The following RARB variants were observed in gnomAD, a reference collection of about 807,000 sequenced individuals.
RARB encodes the protein HBV-activated protein.
Under a neutral mutation model 51.9 loss-of-function variants are expected in RARB, and 17 were observed. The ratio of observed to expected loss-of-function variants is 0.33; its 90% CI spans 0.22 to 0.49. The LOEUF is 0.49. Ranked by LOEUF, RARB falls within the 20% of genes least tolerant of loss-of-function variation. The pLI is 0.99. For missense variants in RARB, 369 were observed against 550.8 expected, an observed-to-expected ratio of 0.67 and a Z score of 3.30; for synonymous variants, 215 against 195.4, an observed-to-expected ratio of 1.10 and a Z score of -0.84.
intron 5 of RARB, among the ~76,000 whole-genome samples, chr3:25,402,758 A>G (rs1354646606): frequency 6.6e-6 from 1 of 152,144 alleles, no homozygotes; most frequent in Non-Finnish European, 1.5e-5. Context: ...AAATCAAAAC[A>G]ATTGAACTCA....
intron 2 of RARB, among the ~76,000 whole-genome samples, chr3:25,042,682 G>A (rs1274371080): frequency 6.6e-6 from 1 of 152,152 alleles, no homozygotes; most frequent in Non-Finnish European, 1.5e-5. Flanking sequence ...CACTTATAAC[G>A]ATGTAATCCA....
intron 3 of RARB, among the ~76,000 whole-genome samples, chr3:25,545,147 T>G (rs7638066): frequency 0.17 from 26,549 of 151,786 alleles, 2,447 homozygotes; most frequent in African/African-American, 0.23. Flanking sequence ...GTTTTACCAT[T>G]TTGGCCAGGC....
At chr3:25,131,936 CA>C (rs1699960039) in intron 3 of RARB, among the ~76,000 whole-genome samples, 5 of 151,788 alleles carry the variant, frequency 3.3e-5, no homozygotes, top group Admixed American at 2.6e-4. Context: ...TAAAAGGGAT[CA>C]GGGGTGCAAA....
intron 5 of RARB, among the ~76,000 whole-genome samples, chr3:25,212,273 G>C (rs1335798041): frequency 6.6e-6 from 1 of 152,112 alleles, no homozygotes; most frequent in African/African-American, 2.4e-5. Flanking sequence ...ATGCTAAATT[G>C]AGCATCAATA....
chr3:24,978,815 G>A (rs1302701131), intron 2 of RARB, among the ~76,000 whole-genome samples: 2 of 151,148 alleles, frequency 1.3e-5, no homozygotes, highest in Admixed American at 6.6e-5. Flanking sequence ...GTTTGCTCTT[G>A]CTTCTCTACT....
At position 24,989,774 on chromosome 3, in the gene RARB, C is replaced by CTTTTTTTTTTTT. The variant is rs769275874; in HGVS notation, c.-379-70326_-379-70315dup. On this transcript the variant is annotated intron_variant, in intron 2 of 11. Coordinates refer to the RARB transcript ENST00000383772. Reference sequence around the variant, plus strand: ...ATTTTAACTGTTGTCATATGTTTTTCTTTTTTTTTTTTTTTTTTTTTTTTT... The same window carrying CTTTTTTTTTTTT: ...ATTTTAACTGTTGTCATATGTTTTTCTTTTTTTTTTTTTTTTTTTTTTTTTTTTTTTTTTTTT... 2.3e-3 allele frequency among the ~76,000 whole-genome samples: 69 copies of CTTTTTTTTTTTT among 29,532 alleles called. 19 individuals are homozygous for CTTTTTTTTTTTT. Among genetic ancestry groups the CTTTTTTTTTTTT allele is most frequent in the South Asian group, 6.6e-3 (4 of 602 alleles). The allele number at this position is 29,532 out of a possible 152,430, so 19.4% of individuals were successfully genotyped here. A position where few individuals can be genotyped will look rare whatever the true frequency, so the allele number is the denominator to read the frequency against.
At chr3:25,229,242 G>T (rs1241280554) in intron 5 of RARB, among the ~76,000 whole-genome samples, 4 of 151,898 alleles carry the variant, frequency 2.6e-5, no homozygotes, top group Non-Finnish European at 5.9e-5. Context: ...TTGATTATAG[G>T]TTATATTTTC....
intron 5 of RARB, among the ~76,000 whole-genome samples, chr3:25,175,349 C>G (rs1025487172): frequency 4.6e-5 from 7 of 152,204 alleles, no homozygotes; most frequent in African/African-American, 1.7e-4. Context: ...ATTTATTTAA[C>G]AACAGGCATC....
At chr3:25,583,079 T>C (rs1377569741) in intron 5 of RARB, among the ~76,000 whole-genome samples, 2 of 152,000 alleles carry the variant, frequency 1.3e-5, no homozygotes, top group African/African-American at 4.8e-5. Context: ...TGGGGTGCAA[T>C]AGGCCAGGGA....
intron 4 of RARB, among the ~76,000 whole-genome samples, chr3:25,136,033 T>G (rs1700027805): frequency 1.3e-5 from 2 of 152,100 alleles, no homozygotes; most frequent in South Asian, 4.1e-4. Flanking sequence ...GTTGAACAAT[T>G]CCTTATCTGA....
At chr3:25,085,948 A>G (rs1316826094) in intron 3 of RARB, among the ~76,000 whole-genome samples, 1 of 152,170 alleles carries the variant, frequency 6.6e-6, no homozygotes, top group Non-Finnish European at 1.5e-5. Context: ...AACAACCTAA[A>G]ATGGATGATC....
chr3:25,465,718 G>A lies in RARB; in HGVS notation c.306+4377G>A, dbSNP rs145610702. Among the ~76,000 whole-genome samples, 643 of 152,250 alleles carry A rather than the reference G, an allele frequency of 4.2e-3. 5 individuals carry two copies. Among genetic ancestry groups the A allele is most frequent in the African/African-American group, 0.015 (622 of 41,540 alleles). On this transcript the variant is annotated intron_variant, in intron 2 of 7. Coordinates refer to ENST00000330688, the MANE Select transcript of RARB (RefSeq NM_000965.5). Reference sequence around the variant, plus strand: ...CACTGTAGGGATGCCCTGTTTAGGGGGTTTCCAGGTGAGCGATGGCAGTTT... The same window carrying A: ...CACTGTAGGGATGCCCTGTTTAGGGAGTTTCCAGGTGAGCGATGGCAGTTT...
At chr3:24,960,757 TG>T in intron 2 of RARB, among the ~76,000 whole-genome samples, 1 of 105,850 alleles carries the variant, frequency 9.4e-6, no homozygotes, top group Non-Finnish European at 1.9e-5. Context: ...ATTGAGCCTT[TG>T]GATTTTTTTT....
chr3:25,134,744 A>G (rs148492288), intron 4 of RARB, among the ~76,000 whole-genome samples: 135 of 152,144 alleles, frequency 8.9e-4, no homozygotes, highest in Non-Finnish European at 1.7e-3. Context: ...TTTTTCAAAC[A>G]GGGTTTATGC....
intron 5 of RARB, among the ~76,000 whole-genome samples, chr3:25,379,760 C>G (rs1706570835): frequency 6.6e-6 from 1 of 152,118 alleles, no homozygotes; most frequent in Admixed American, 6.5e-5. Flanking sequence ...TATAACATCT[C>G]TCAAATTGAG....
At chr3:25,189,250 C>T (rs1016397600) in intron 5 of RARB, among the ~76,000 whole-genome samples, 2 of 152,144 alleles carry the variant, frequency 1.3e-5, no homozygotes, top group African/African-American at 4.8e-5. Context: ...TCTCCAGGTA[C>T]ATCGCTCTCT....
Position 25,183,679 on chromosome 3 carries a change from T to C in RARB, c.178+9104T>C, listed in dbSNP as rs76775714. On this transcript the variant is annotated intron_variant, in intron 5 of 11. Transcript: ENST00000383772. ...TATTGGCTTATCTTCTAGTCTCTCT[T>C]TAGGATTTGTATACTATAAATTTAT... Among the ~76,000 whole-genome samples the C allele has an allele frequency of 8.8e-3, 1,343 of 152,270 alleles. 20 individuals are homozygous for C. Among genetic ancestry groups the C allele is most frequent in the African/African-American group, 0.031 (1,277 of 41,560 alleles).
At chr3:24,972,853 T>A (rs778472729) in intron 2 of RARB, among the ~76,000 whole-genome samples, 42 of 151,986 alleles carry the variant, frequency 2.8e-4, no homozygotes, top group Non-Finnish European at 8.8e-5. Context: ...TGCTACTGAG[T>A]TGTTTGGGCT....
At chr3:25,333,818 A>G (rs971700976) in intron 5 of RARB, among the ~76,000 whole-genome samples, 5 of 152,246 alleles carry the variant, frequency 3.3e-5, no homozygotes, top group Non-Finnish European at 7.3e-5. Context: ...AAAGAACTTA[A>G]ACGGATTTAC....
Sources: allele counts gnomAD v4.1 joint callset (sites outside exome capture counted in the v4.1 genomes callset), GRCh38; gene constraint gnomAD v4.1.1; transcripts MANE v1.5; gene names NCBI Gene and HGNC (gene_info 2026-07-23, HGNC 2026-07-21).